ASXL3: variants seen among roughly 807,000 people sequenced by gnomAD.
ASXL3 encodes ASXL transcriptional regulator 3.
Under a neutral mutation model 170.6 loss-of-function variants are expected in ASXL3, and 34 were observed. That is an observed-to-expected ratio of 0.20 (90% CI 0.15 to 0.27). The LOEUF is 0.27. Ranked by LOEUF, ASXL3 falls within the 10% of genes least tolerant of loss-of-function variation. The probability of loss-of-function intolerance (pLI) is 1.00; values close to 1 mark genes in which losing one functional copy is unlikely to be tolerated. For missense variants in ASXL3, 2,592 were observed against 2,695.3 expected (o/e 0.96, Z 0.85); for synonymous variants, 1,002 against 989.1 (o/e 1.01, Z -0.24).
At position 33,664,649 on chromosome 18, in the gene ASXL3, A is replaced by G. The variant is rs561362364; in HGVS notation, c.477+2912A>G. 1.2e-4 allele frequency among the ~76,000 whole-genome samples: 18 copies of G among 152,330 alleles called. No individual in the cohort carries two copies. In the South Asian group the frequency reaches 3.5e-3, roughly 30 times the overall value. On this transcript the variant is annotated intron_variant, in intron 5 of 11. Transcript: ENST00000269197. ...AAAATAATTTACAACAAACTGTCTT[A>G]CAAAATATGCCAGGCATAATTTCTC...
Position 33,746,748 on chromosome 18 carries a change from T to G in ASXL3, c.*153T>G. The G allele has an allele frequency of 7.9e-7, 1 of 1,268,042 alleles. No homozygotes were observed. Among genetic ancestry groups the G allele is most frequent in the South Asian group, 1.8e-5 (1 of 55,020 alleles). 78.5% of individuals were successfully genotyped at this position (1,268,042 alleles called of 1,614,324 possible). A position where few individuals can be genotyped will look rare whatever the true frequency, so the allele number is the denominator to read the frequency against. ...CTCTATGGCATTATTTTCTTGCATT[T>G]CTCATAAAGGGGAGGATGCATCCCA... On this transcript the variant is annotated 3_prime_UTR_variant, in exon 12 of 12. Coordinates refer to ENST00000269197, the MANE Select transcript of ASXL3 (RefSeq NM_030632.3).
chr18:33,604,769 T>C (rs2065225692), intron 1 of ASXL3, among the ~76,000 whole-genome samples: 1 of 152,014 alleles, frequency 6.6e-6, no homozygotes, highest in South Asian at 2.1e-4. Flanking sequence ...GGTTCCCACA[T>C]TTATATTTAG....
At chr18:33,679,600 T>G (rs2145275969) in intron 7 of ASXL3, among the ~76,000 whole-genome samples, 1 of 152,180 alleles carries the variant, frequency 6.6e-6, no homozygotes, top group South Asian at 2.1e-4. Flanking sequence ...AGAAAGTAAG[T>G]CTCCCACCTC....
At chr18:33,717,943 C>G (rs1410414689) in intron 8 of ASXL3, among the ~76,000 whole-genome samples, 1 of 152,010 alleles carries the variant, frequency 6.6e-6, no homozygotes, top group Non-Finnish European at 1.5e-5. Flanking sequence ...ATTGATAACC[C>G]CTAAGCAAAA....
At chr18:33,588,061 A>ATG (rs1568264518) in intron 1 of ASXL3, among the ~76,000 whole-genome samples, 1 of 151,974 alleles carries the variant, frequency 6.6e-6, no homozygotes, top group Admixed American at 6.6e-5. Context: ...CTTAGTGTGT[A>ATG]TGTGTGTGTA....
At chr18:33,661,796 G>C in intron 5 of ASXL3, 59 bp downstream of exon 5, 4 of 1,536,500 alleles carry the variant, frequency 2.6e-6, no homozygotes, top group Non-Finnish European at 3.5e-6. Flanking sequence ...GGTAATGTGT[G>C]TTTTGCTGAT....
chr18:33,694,319 G>T (rs1029181160), intron 8 of ASXL3, among the ~76,000 whole-genome samples: 5 of 152,198 alleles, frequency 3.3e-5, no homozygotes, highest in African/African-American at 9.6e-5. Context: ...TTAAGAATTT[G>T]TACTTTATAA....
chr18:33,658,165 G>A (rs1228800929), intron 4 of ASXL3, among the ~76,000 whole-genome samples: 44 of 152,144 alleles, frequency 2.9e-4, no homozygotes, highest in Non-Finnish European at 2.9e-5. Context: ...TACATGCAAG[G>A]GATTTTCCCT....
chr18:33,646,431 A>T (rs1394003788), intron 4 of ASXL3, 78 bp downstream of exon 4: 1 of 1,001,870 alleles, frequency 1.0e-6, no homozygotes, highest in Non-Finnish European at 1.5e-6. Context: ...CATTAATTGA[A>T]TTTCCCACCA....
Position 33,578,600 on chromosome 18 carries a change from G to A in ASXL3, c.-32G>A. The A allele has an allele frequency of 7.8e-7, 1 of 1,275,066 alleles. No homozygotes were observed. The highest frequency in any genetic ancestry group is 1.0e-6 in the Non-Finnish European group (1 of 980,332). The allele number at this position is 1,275,066 out of a possible 1,614,324, so 79.0% of individuals were successfully genotyped here. On this transcript the variant is annotated 5_prime_UTR_variant, in exon 1 of 12. Coordinates refer to ENST00000269197, the MANE Select transcript of ASXL3 (RefSeq NM_030632.3). ...CCGAGCACCCCGTGGAATCCCCCAC[G>A]TCATCATCAGAACCATCAATGAGAT...
At chr18:33,656,750 T>C (rs1181965023) in intron 4 of ASXL3, among the ~76,000 whole-genome samples, 1 of 152,120 alleles carries the variant, frequency 6.6e-6, no homozygotes, top group African/African-American at 2.4e-5. Context: ...TTGGCTTTCA[T>C]ATTATCCCTA....
intron 1 of ASXL3, among the ~76,000 whole-genome samples, chr18:33,584,828 G>A (rs917143834): frequency 2.0e-5 from 3 of 151,922 alleles, no homozygotes; most frequent in African/African-American, 7.3e-5. Context: ...ATGTGTGTCT[G>A]TGCATGCACA....
At chr18:33,611,218 T>C (rs1368998080) in intron 2 of ASXL3, among the ~76,000 whole-genome samples, 1 of 152,042 alleles carries the variant, frequency 6.6e-6, no homozygotes, top group African/African-American at 2.4e-5. Flanking sequence ...TAGGATTGAA[T>C]TCTATTTGGA....
chr18:33,742,932 A>T lies in ASXL3; in HGVS notation c.3084A>T (p.Gln1028His). 1 of 1,610,090 alleles carries T rather than the reference A, an allele frequency of 6.2e-7. No individual in the cohort carries two copies. The highest frequency in any genetic ancestry group is 8.5e-7 in the Non-Finnish European group (1 of 1,178,856). The part of the protein sequence containing the change: ...KIGPPFIIKS[Q>H]PVSKPESRAS... ...GGCCACCTTTTATAATCAAGAGCCA[A>T]CCAGTCTCCAAACCTGAGTCTCGAG... Residue 1028 changes from glutamine to histidine, a missense_variant, in exon 12 of 12, where the codon CAA (glutamine) becomes CAT (histidine). Gln to His is a conservative substitution (Grantham distance 24). This residue lies in a region of ASXL3 where 2,246 missense variants were observed against 2,219.6 expected (regional missense o/e 1.01). Coordinates refer to ENST00000269197, the MANE Select transcript of ASXL3 (RefSeq NM_030632.3).
intron 8 of ASXL3, among the ~76,000 whole-genome samples, chr18:33,686,591 T>A (rs2066601116): frequency 6.6e-6 from 1 of 152,176 alleles, no homozygotes; most frequent in Non-Finnish European, 1.5e-5. Context: ...GGCATGCCAT[T>A]TACAAAGACA....
intron 7 of ASXL3, among the ~76,000 whole-genome samples, chr18:33,672,358 A>G (rs990305429): frequency 6.6e-6 from 1 of 152,172 alleles, no homozygotes; most frequent in Non-Finnish European, 1.5e-5. Flanking sequence ...GAAAAAATGT[A>G]AAATTGCTGA....
intron 1 of ASXL3, 46 bp downstream of exon 1, chr18:33,578,731 G>A (rs1291388241): frequency 3.5e-6 from 4 of 1,133,246 alleles, no homozygotes; most frequent in Middle Eastern, 2.4e-4. Flanking sequence ...CGCCGGCCCC[G>A]CCGCTCGCCC....
At position 33,671,801 on chromosome 18, in the gene ASXL3, G is replaced by T; in HGVS notation, c.650G>T (p.Gly217Val). 1 of 1,610,996 alleles carries T rather than the reference G, an allele frequency of 6.2e-7. No homozygotes were observed. The highest frequency in any genetic ancestry group is 8.5e-7 in the Non-Finnish European group (1 of 1,178,420). The change falls in exon 7 of 12, where the codon GGG becomes GTG. Residue 217 changes from glycine to valine, a missense_variant. Transcript: ENST00000269197. ...ADSSDKEMKH[G>V]QKSPTGKQTS... ...AGTTCAGATAAAGAAATGAAACATGGGCAAAAATCTCCCACTGGAAAACAA... is the reference window on the plus strand; with the variant it reads ...AGTTCAGATAAAGAAATGAAACATGTGCAAAAATCTCCCACTGGAAAACAA...
At position 33,739,212 on chromosome 18, in the gene ASXL3, C is replaced by T. The variant is rs762650572; in HGVS notation, c.1808C>T (p.Ser603Leu). The change falls in exon 11 of 12, where the codon TCA becomes TTA. Residue 603 changes from serine to leucine, a missense_variant. Physicochemically the swap from Ser to Leu is moderately radical, Grantham distance 145. Coordinates refer to ENST00000269197, the MANE Select transcript of ASXL3 (RefSeq NM_030632.3). ...CAGAGTGACCCTGAAGAACAGCTTT[C>T]AGAAAATGCCTGCATCTCTGAAACG... ...ELQSDPEEQL[S>L]ENACISETSF... is the part of the protein sequence containing the mutation. 6.2e-7 allele frequency: 1 copy of T among 1,613,840 alleles called. No individual in the cohort carries two copies. The highest frequency in any genetic ancestry group is 1.7e-5 in the Admixed American group (1 of 59,988).
Sources: allele counts gnomAD v4.1 joint callset (sites outside exome capture counted in the v4.1 genomes callset), GRCh38; gene constraint gnomAD v4.1.1; regional missense constraint gnomAD v4.1.1; transcripts MANE v1.5; gene names NCBI Gene and HGNC (gene_info 2026-07-23, HGNC 2026-07-21).